The following ZP3 variants were observed in gnomAD, a reference collection of about 807,000 sequenced individuals.
The protein encoded by ZP3 is zona pellucida glycoprotein 3, also known as zona pellucida sperm-binding protein 3.
Under a neutral mutation model 35.6 loss-of-function variants are expected in ZP3, and 21 were observed. The observed-to-expected ratio is 0.59, with a 90% CI of 0.42 to 0.85. ZP3 has a LOEUF of 0.85. Among genes scored for constraint, ZP3 ranks in the 40% least tolerant of loss-of-function variants. The pLI, the probability that ZP3 is intolerant of heterozygous loss-of-function variation, is 0.00. For missense variants in ZP3, 437 were observed against 536.5 expected (o/e 0.81, Z 1.83); for synonymous variants, 207 against 214.5 (o/e 0.96, Z 0.31).
chr7:76,432,556 T>C (rs1805862825), intron 2 of ZP3, among the ~76,000 whole-genome samples: 1 of 152,038 alleles, frequency 6.6e-6, no homozygotes, highest in South Asian at 2.1e-4. Context: ...CCTCAGGCAA[T>C]CCTCCAGTCT....
At chr7:76,400,351 C>T in intron 1 of ZP3, 5 of 1,544,330 alleles carry the variant, frequency 3.2e-6, no homozygotes, top group Admixed American at 4.0e-5. Context: ...GCGGCTGCCG[C>T]ACTCGCTCAG....
chr7:76,414,465 G>C (rs1273601584), intron 1 of ZP3, among the ~76,000 whole-genome samples: 1 of 152,036 alleles, frequency 6.6e-6, no homozygotes, highest in Non-Finnish European at 1.5e-5. Flanking sequence ...TTTGGGAGCA[G>C]CCTGGCATGA....
chr7:76,426,902 AC>A (rs1563697897), intron 1 of ZP3, among the ~76,000 whole-genome samples: 117 of 143,740 alleles, frequency 8.1e-4, no homozygotes, highest in East Asian at 4.7e-3. Context: ...ACACACACAC[AC>A]ACACAATAGG....
At chr7:76,413,691 C>T (rs959816721) in intron 1 of ZP3, among the ~76,000 whole-genome samples, 2 of 152,024 alleles carry the variant, frequency 1.3e-5, no homozygotes, top group African/African-American at 4.8e-5. Context: ...TTTTTTGAGA[C>T]AAGTTCTCCC....
upstream of ZP3, chr7:76,424,930 G>A (rs1805602094): frequency 2.0e-6 from 3 of 1,487,576 alleles, no homozygotes; most frequent in Non-Finnish European, 2.7e-6. Flanking sequence ...GGTATAAGAT[G>A]GCCAGAGGCG....
chr7:76,402,802 T>G (rs1351435402), intron 1 of ZP3, among the ~76,000 whole-genome samples: 1 of 152,188 alleles, frequency 6.6e-6, no homozygotes, highest in Admixed American at 6.6e-5. Context: ...CCCAAGTAGC[T>G]GGGATTACAG....
chr7:76,429,182 C>G (rs938839627), intron 1 of ZP3: 5 of 310,736 alleles, frequency 1.6e-5, no homozygotes, highest in South Asian at 1.6e-4. Context: ...TCCAGTCTGC[C>G]TGTGGTGGTG....
intron 2 of ZP3, among the ~76,000 whole-genome samples, chr7:76,431,893 C>T (rs1457287543): frequency 5.8e-5 from 3 of 51,936 alleles, no homozygotes; most frequent in Admixed American, 1.7e-4. Flanking sequence ...AGTGAGACTC[C>T]GTCTCAAAAA....
In ZP3 at chr7:76,433,765, C is replaced by T. The variant is rs1445443764; in HGVS notation, c.713+118C>T. 8 of 1,184,178 alleles carry T rather than the reference C, an allele frequency of 6.8e-6. No individual in the cohort carries two copies. The African/African-American group carries it at 1.2e-4, about 18-fold the overall frequency. The allele number at this position is 1,184,178 out of a possible 1,614,324, so 73.4% of individuals were successfully genotyped here. On this transcript the variant is annotated intron_variant, in intron 4 of 7. Coordinates refer to ENST00000394857, the MANE Select transcript of ZP3 (RefSeq NM_001110354.2). ...CCAGGCTGGAATACAGAGGCTTGAT[C>T]TCTGCCCTCTGCAACCTCTGCCTCC... is the stretch of plus-strand genomic sequence containing the variant.
chr7:76,428,536 G>A (rs186346937), intron 1 of ZP3: 1 of 152,328 alleles, frequency 6.6e-6, no homozygotes, highest in Non-Finnish European at 1.5e-5. Context: ...GGCAGGCCCT[G>A]CCTTCTGCAG....
intron 1 of ZP3, among the ~76,000 whole-genome samples, chr7:76,426,907 C>CACACACACACACACACACACAAAA (rs57796274): frequency 5.5e-5 from 7 of 126,870 alleles, no homozygotes; most frequent in Middle Eastern, 4.2e-3. Flanking sequence ...CACACACACA[C>CACACACACACACACACACACAAAA]AATAGGGTGT....
chr7:76,409,962 GTGGGTTTCCCACATAGACAGGACCTCACA>G (rs1436174632), intron 1 of ZP3, among the ~76,000 whole-genome samples: 25 of 152,218 alleles, frequency 1.6e-4, no homozygotes, highest in African/African-American at 5.8e-4. Context: ...AGTGTATGGA[GTGGGTTTCCCACATAGACAGGACCTCACA>G]ACCTCACTTG....
chr7:76,405,292 TATATA>T (rs1804967614), intron 1 of ZP3, among the ~76,000 whole-genome samples: 1 of 42,946 alleles, frequency 2.3e-5, no homozygotes, highest in African/African-American at 1.2e-4. Context: ...TATATATATA[TATATA>T]TATATATATA....
chr7:76,431,629 G>A (rs1438729149), intron 2 of ZP3, among the ~76,000 whole-genome samples: 1 of 152,180 alleles, frequency 6.6e-6, no homozygotes, highest in Non-Finnish European at 1.5e-5. Flanking sequence ...GCTGGGCATG[G>A]TGGCTCACGC....
chr7:76,400,641 A>T, intron 1 of ZP3: 1 of 1,413,120 alleles, frequency 7.1e-7, no homozygotes, highest in Non-Finnish European at 9.3e-7. Context: ...TCCAACCTCC[A>T]GCATGCCCAC....
intron 2 of ZP3, among the ~76,000 whole-genome samples, chr7:76,430,473 C>T (rs777442222): frequency 1.3e-5 from 2 of 152,058 alleles, no homozygotes; most frequent in Non-Finnish European, 2.9e-5. Context: ...TGGTGGCTCA[C>T]GCCTGTAATA....
intron 5 of ZP3, among the ~76,000 whole-genome samples, chr7:76,435,873 T>C (rs1805983516): frequency 6.6e-6 from 1 of 151,540 alleles, no homozygotes; most frequent in East Asian, 2.0e-4. Context: ...TGTAGGCGCC[T>C]GCCACCATGC....
At chr7:76,424,918 C>A, upstream of ZP3, 1 of 1,461,060 alleles carries the variant, frequency 6.8e-7, no homozygotes, top group Non-Finnish European at 9.0e-7. Context: ...CAGCATCCCA[C>A]GGGTATAAGA....
At chr7:76,405,693 G>C (rs1563687323) in intron 1 of ZP3, among the ~76,000 whole-genome samples, 1 of 152,054 alleles carries the variant, frequency 6.6e-6, no homozygotes, top group African/African-American at 2.4e-5. Context: ...AGAGGCAAAA[G>C]CTGGGAGGTG....
Sources: allele counts gnomAD v4.1 joint callset (sites outside exome capture counted in the v4.1 genomes callset), GRCh38; gene constraint gnomAD v4.1.1; transcripts MANE v1.5; gene names NCBI Gene and HGNC (gene_info 2026-07-23, HGNC 2026-07-21).